Variants in MMS22L observed in about 807,000 individuals in gnomAD.
MMS22L encodes the protein protein MMS22-like.
A neutral mutation model predicts 159.1 loss-of-function variants in MMS22L; 74 were observed. That is an observed-to-expected ratio of 0.47 (90% CI 0.39 to 0.56). The LOEUF is 0.56. MMS22L is among the 20% of genes least tolerant of loss of function. MMS22L has a pLI of 0.00. For missense variants in MMS22L, 1,351 were observed against 1,422.1 expected, an observed-to-expected ratio of 0.95 and a Z score of 0.80; for synonymous variants, 517 against 506.9, an observed-to-expected ratio of 1.02 and a Z score of -0.27.
chr6:97,187,368 T>C (rs940244884), intron 14 of MMS22L, among the ~76,000 whole-genome samples: 5 of 152,304 alleles, frequency 3.3e-5, no homozygotes, highest in Middle Eastern at 3.4e-3. Flanking sequence ...TAGACCTTAA[T>C]AGAAACGTGC....
intron 23 of MMS22L, among the ~76,000 whole-genome samples, 155 bp from the exon 24 acceptor site, chr6:97,150,175 C>T (rs1019118990): frequency 1.3e-5 from 2 of 152,034 alleles, no homozygotes; most frequent in African/African-American, 2.4e-5. Context: ...ATTTAAAACA[C>T]TTTAAAATAA....
At chr6:97,153,314 T>A (rs974649603) in intron 22 of MMS22L, among the ~76,000 whole-genome samples, 6 of 151,026 alleles carry the variant, frequency 4.0e-5, no homozygotes, top group African/African-American at 1.5e-4. Flanking sequence ...TCTTTAGCTA[T>A]CCCGATTCCT....
rs182036066 is a variant in MMS22L at position 97,241,047 on chromosome 6, C to T, written c.1182+5581G>A. On this transcript the variant is annotated intron_variant, in intron 11 of 24. Transcript: ENST00000683635. ...TCATAGCTTACCTCCAAGTTAAAAA[C>T]GAGAACATATGTTGGTTAGTTTTCC... Among the ~76,000 whole-genome samples the T allele has an allele frequency of 1.3e-4, 20 of 152,330 alleles. No homozygotes were observed. The East Asian group carries it at 3.1e-3, about 24-fold the overall frequency.
At chr6:97,178,421 T>C in intron 18 of MMS22L, 22 bp downstream of exon 18, 1 of 1,492,238 alleles carries the variant, frequency 6.7e-7, no homozygotes, top group South Asian at 1.4e-5. Flanking sequence ...TCTGGACAAT[T>C]ATACTAATAA....
At chr6:97,201,732 G>GA (rs1807189431) in intron 14 of MMS22L, among the ~76,000 whole-genome samples, 1 of 152,174 alleles carries the variant, frequency 6.6e-6, no homozygotes, top group Admixed American at 6.5e-5. Flanking sequence ...AGATGATTGA[G>GA]CAAAAAGAGT....
chr6:97,198,608 C>CT (rs1806803216), intron 14 of MMS22L, among the ~76,000 whole-genome samples: 1 of 152,122 alleles, frequency 6.6e-6, no homozygotes, highest in African/African-American at 2.4e-5. Context: ...GGAATTCACA[C>CT]TTGGGAAGCT....
chr6:97,273,850 C>T (rs1484869148), intron 4 of MMS22L, among the ~76,000 whole-genome samples: 1 of 152,206 alleles, frequency 6.6e-6, no homozygotes, highest in East Asian at 1.9e-4. Flanking sequence ...TCCATGCTCT[C>T]TTTTGTCCCC....
chr6:97,161,079 C>T (rs1208207258), intron 22 of MMS22L, among the ~76,000 whole-genome samples: 1 of 151,986 alleles, frequency 6.6e-6, no homozygotes, highest in African/African-American at 2.4e-5. Flanking sequence ...GTTCCTGTGG[C>T]CTGCTTTTAT....
At chr6:97,197,657 A>T (rs1806679694) in intron 14 of MMS22L, among the ~76,000 whole-genome samples, 1 of 152,226 alleles carries the variant, frequency 6.6e-6, no homozygotes, top group African/African-American at 2.4e-5. Flanking sequence ...GATCTTATCC[A>T]AAATGTTATG....
chr6:97,202,152 T>C (rs540732781), intron 14 of MMS22L, among the ~76,000 whole-genome samples: 1 of 152,312 alleles, frequency 6.6e-6, no homozygotes, highest in East Asian at 1.9e-4. Context: ...TGCTGTGTAC[T>C]AAACAACTGA....
intron 14 of MMS22L, among the ~76,000 whole-genome samples, chr6:97,221,162 TC>T (rs1481859867): frequency 6.6e-6 from 1 of 152,184 alleles, no homozygotes; most frequent in African/African-American, 2.4e-5. Context: ...TGCATATAAT[TC>T]CCAAAACATT....
chr6:97,270,343 G>A (rs145830355), intron 6 of MMS22L: 2 of 455,038 alleles, frequency 4.4e-6, no homozygotes, highest in African/African-American at 4.0e-5. Flanking sequence ...TTAGAATTTA[G>A]CTAGGAAATT....
intron 18 of MMS22L, among the ~76,000 whole-genome samples, chr6:97,178,213 T>C (rs1223548795): frequency 6.6e-6 from 1 of 152,158 alleles, no homozygotes; most frequent in Non-Finnish European, 1.5e-5. Context: ...TGGTATTCTT[T>C]AGTTTTATTA....
chr6:97,271,998 T>C (rs1815792839), intron 6 of MMS22L: 1 of 152,218 alleles, frequency 6.6e-6, no homozygotes, highest in Non-Finnish European at 1.5e-5. Context: ...AAAGATATAT[T>C]CATAAAGAGT....
At position 97,144,105 on chromosome 6, in the gene MMS22L, CAA is replaced by C. The variant is rs34856577; in HGVS notation, c.*2699_*2700del. On this transcript the variant is annotated 3_prime_UTR_variant, in exon 25 of 25. Transcript: ENST00000683635. Reference sequence around the variant, plus strand: ...CTCAAAACAACAACAACAACAACAACAAAAAAAAAAAAAAAAAAAAAAAGAGA... The same window carrying C: ...CTCAAAACAACAACAACAACAACAACAAAAAAAAAAAAAAAAAAAAAGAGA... 1,241 of 87,328 alleles carry C rather than the reference CAA, an allele frequency of 0.014. 7 individuals are homozygous for C. The highest frequency in any genetic ancestry group is 0.019 in the Non-Finnish European group (865 of 45,984). The allele number at this position is 87,328 out of a possible 1,614,324, so 5.4% of individuals were successfully genotyped here. A position where few individuals can be genotyped will look rare whatever the true frequency, so the allele number is the denominator to read the frequency against.
rs149295704 is a variant in MMS22L at position 97,223,810 on chromosome 6, G to A, written c.2039+5084C>T. Among the ~76,000 whole-genome samples, 50 of 152,170 alleles carry A rather than the reference G, an allele frequency of 3.3e-4. No individual in the cohort carries two copies. In the East Asian group the frequency reaches 8.1e-3, roughly 25 times the overall value. On this transcript the variant is annotated intron_variant, in intron 14 of 24. Transcript: ENST00000683635. The stretch of plus-strand genomic sequence containing the variant: ...GATGGGATAAAATGAACCTATCCAA[G>A]TCATAGTTCCTTTTATTACATACAG...
At chr6:97,242,125 G>A (rs1812146232) in intron 11 of MMS22L, among the ~76,000 whole-genome samples, 1 of 152,036 alleles carries the variant, frequency 6.6e-6, no homozygotes, top group South Asian at 2.1e-4. Flanking sequence ...TTTGTTCTAG[G>A]GTATAGTTTA....
At chr6:97,178,361 G>T in intron 18 of MMS22L, 82 bp downstream of exon 18, 1 of 1,071,994 alleles carries the variant, frequency 9.3e-7, no homozygotes, top group African/African-American at 1.6e-5. Context: ...TCATTTTATA[G>T]AAAAACTTTA....
intron 9 of MMS22L, among the ~76,000 whole-genome samples, chr6:97,255,546 C>T (rs1813708221): frequency 6.6e-6 from 1 of 151,958 alleles, no homozygotes; most frequent in South Asian, 2.1e-4. Flanking sequence ...GGGCTTATTG[C>T]TAACATCTTG....
Sources: allele counts gnomAD v4.1 joint callset (sites outside exome capture counted in the v4.1 genomes callset), GRCh38; gene constraint gnomAD v4.1.1; transcripts MANE v1.5; gene names NCBI Gene and HGNC (gene_info 2026-07-23, HGNC 2026-07-21).